Variants in CNTN4 observed in about 807,000 individuals in gnomAD.
The protein encoded by CNTN4 is contactin-4.
In CNTN4, 77 loss-of-function variants were observed where a neutral mutation model predicts 122.5. The ratio of observed to expected loss-of-function variants is 0.63; its 90% confidence interval spans 0.52 to 0.76. The LOEUF (loss-of-function observed/expected upper bound fraction) is 0.76, where lower values mean the gene tolerates loss of function less well. Among genes scored for constraint, CNTN4 ranks in the 30% least tolerant of loss-of-function variants. The pLI, the probability that CNTN4 is intolerant of heterozygous loss-of-function variation, is 0.00. For missense variants in CNTN4, 1,256 were observed against 1,259.1 expected (o/e 1.00, Z 0.04); for synonymous variants, 512 against 447.0 (o/e 1.15, Z -1.83).
chr3:2,863,347 G>T (rs138754630), intron 7 of CNTN4, among the ~76,000 whole-genome samples: 1,545 of 151,764 alleles, frequency 0.01, 14 homozygotes, highest in Middle Eastern at 0.021. Context: ...CCCACTTCAG[G>T]ACTCCACAGT....
rs1309473063 is a variant in CNTN4 at position 3,056,143 on chromosome 3, G to A, written c.3004G>A (p.Ala1002Thr). 4 of 1,613,886 alleles carry A rather than the reference G, an allele frequency of 2.5e-6. No homozygotes were observed. The East Asian group carries it at 6.7e-5, about 27-fold the overall frequency. Reference sequence around the variant, plus strand: ...AGATGCCTACGCGAGAGGATCTGGGGCTTCCACTTCGAATGCATGTACGCT... The same window carrying A: ...AGATGCCTACGCGAGAGGATCTGGGACTTCCACTTCGAATGCATGTACGCT... ...ISNAYARGSG[A>T]STSNACTLSA... The change falls in exon 25 of 25, where the codon GCT (alanine) becomes ACT (threonine). Residue 1002 changes from alanine (A) to threonine (T), a missense_variant. Transcript: ENST00000418658.
At chr3:2,482,373 G>C (rs375921458) in intron 3 of CNTN4, among the ~76,000 whole-genome samples, 1 of 151,990 alleles carries the variant, frequency 6.6e-6, no homozygotes, top group African/African-American at 2.4e-5. Flanking sequence ...AGTAACAAAG[G>C]GTTCAAGAGA....
chr3:2,724,849 C>T (rs371982927), intron 4 of CNTN4, among the ~76,000 whole-genome samples: 30 of 152,092 alleles, frequency 2.0e-4, no homozygotes, highest in East Asian at 1.4e-3. Flanking sequence ...GAAAGGGCAA[C>T]CTCTCCACTT....
At chr3:2,378,332 G>A (rs1323805551) in intron 3 of CNTN4, among the ~76,000 whole-genome samples, 4 of 152,110 alleles carry the variant, frequency 2.6e-5, no homozygotes, top group Non-Finnish European at 5.9e-5. Flanking sequence ...TCCTCAGGAT[G>A]GGGGAAAGAA....
intron 6 of CNTN4, among the ~76,000 whole-genome samples, chr3:2,755,115 G>C (rs186003722): frequency 7.6e-4 from 115 of 152,144 alleles, no homozygotes; most frequent in Non-Finnish European, 1.4e-3. Flanking sequence ...TTCTATTCAC[G>C]GTAATTTTCA....
At chr3:3,011,541 AC>A (rs1261293233) in intron 14 of CNTN4, among the ~76,000 whole-genome samples, 2 of 152,200 alleles carry the variant, frequency 1.3e-5, no homozygotes, top group East Asian at 1.9e-4. Flanking sequence ...GCAAGAAGGC[AC>A]CTGTGTCACT....
At chr3:2,438,534 C>A (rs887022990) in intron 3 of CNTN4, among the ~76,000 whole-genome samples, 2 of 151,916 alleles carry the variant, frequency 1.3e-5, no homozygotes, top group South Asian at 2.1e-4. Context: ...AACAACCCCC[C>A]CAAAAAAAAC....
chr3:2,176,803 A>C (rs529392729), intron 2 of CNTN4, among the ~76,000 whole-genome samples: 13 of 152,192 alleles, frequency 8.5e-5, no homozygotes, highest in Non-Finnish European at 1.6e-4. Flanking sequence ...TAAAGAAACT[A>C]TACTAGCACA....
chr3:2,457,935 G>A (rs1368343272), intron 3 of CNTN4, among the ~76,000 whole-genome samples: 3 of 152,122 alleles, frequency 2.0e-5, no homozygotes, highest in Admixed American at 2.0e-4. Context: ...GTAGAAATGA[G>A]ATTTTGACCA....
At chr3:2,614,078 G>A (rs1317458024) in intron 4 of CNTN4, among the ~76,000 whole-genome samples, 1 of 152,204 alleles carries the variant, frequency 6.6e-6, no homozygotes, top group Non-Finnish European at 1.5e-5. Flanking sequence ...AAAAATGTGA[G>A]ATACTGAAGA....
At chr3:2,191,913 T>C (rs1188808338) in intron 2 of CNTN4, among the ~76,000 whole-genome samples, 3 of 151,778 alleles carry the variant, frequency 2.0e-5, no homozygotes, top group South Asian at 2.1e-4. Context: ...CAGTGTCTGA[T>C]GTTCCCCTTC....
At chr3:2,745,313 C>G (rs1381491120) in intron 5 of CNTN4, among the ~76,000 whole-genome samples, 1 of 152,116 alleles carries the variant, frequency 6.6e-6, no homozygotes, top group African/African-American at 2.4e-5. Flanking sequence ...ATTTTAATAT[C>G]ATTGTTTACT....
intron 3 of CNTN4, among the ~76,000 whole-genome samples, chr3:2,346,358 C>G (rs2044397211): frequency 6.6e-6 from 1 of 152,036 alleles, no homozygotes; most frequent in Admixed American, 6.5e-5. Context: ...ATTATTTTAG[C>G]TCAACTTTTT....
chr3:2,432,722 A>G (rs1178736384), intron 3 of CNTN4, among the ~76,000 whole-genome samples: 1 of 151,854 alleles, frequency 6.6e-6, no homozygotes, highest in Admixed American at 6.6e-5. Flanking sequence ...TTATGTGATA[A>G]TGGACACCAA....
chr3:2,166,414 A>G (rs73806365), intron 2 of CNTN4, among the ~76,000 whole-genome samples: 59 of 152,234 alleles, frequency 3.9e-4, no homozygotes, highest in African/African-American at 1.4e-3. Flanking sequence ...AAAGTGAGAG[A>G]TTATGAGAGT....
intron 23 of CNTN4, among the ~76,000 whole-genome samples, chr3:3,050,100 C>A (rs879760396): frequency 1.3e-5 from 2 of 152,228 alleles, no homozygotes; most frequent in South Asian, 4.2e-4. Flanking sequence ...GCCTAATCAC[C>A]TCATGGCCTA....
chr3:2,892,022 A>G (rs2094047336), intron 10 of CNTN4, among the ~76,000 whole-genome samples: 1 of 152,236 alleles, frequency 6.6e-6, no homozygotes, highest in Non-Finnish European at 1.5e-5. Context: ...CCAATAGGAT[A>G]TGCTCATTTC....
chr3:2,805,498 A>G (rs2092444695), intron 6 of CNTN4, among the ~76,000 whole-genome samples: 1 of 152,124 alleles, frequency 6.6e-6, no homozygotes. Flanking sequence ...CTTGGCTCAT[A>G]TTTTTGAAAC....
intron 13 of CNTN4, among the ~76,000 whole-genome samples, chr3:2,957,900 A>G (rs2094816357): frequency 6.6e-6 from 1 of 152,166 alleles, no homozygotes. Context: ...CGATGAACGT[A>G]AAGTGCATAT....
Sources: allele counts gnomAD v4.1 joint callset (sites outside exome capture counted in the v4.1 genomes callset), GRCh38; gene constraint gnomAD v4.1.1; transcripts MANE v1.5; gene names NCBI Gene and HGNC (gene_info 2026-07-23, HGNC 2026-07-21).